The following PCDH11X variants were observed in gnomAD, a reference collection of about 807,000 sequenced individuals.
PCDH11X encodes the protein protocadherin-11 X-linked.
PCDH11X carries 18 observed loss-of-function variants against 53.3 expected under a neutral mutation model. The observed-to-expected ratio is 0.34, with a 90% CI of 0.23 to 0.50. The LOEUF (loss-of-function observed/expected upper bound fraction) is 0.50, where lower values mean the gene tolerates loss of function less well. Among genes scored for constraint, PCDH11X ranks in the 20% least tolerant of loss-of-function variants. PCDH11X has a pLI of 0.98. For synonymous variants in PCDH11X, 279 were observed against 393.3 expected, an observed-to-expected ratio of 0.71 and a Z score of 3.44; for missense variants, 570 against 1,032.4, an observed-to-expected ratio of 0.55 and a Z score of 6.14.
At chrX:91,895,332 A>G in intron 6 of PCDH11X, among the ~76,000 whole-genome samples, 1 of 111,487 alleles carries the variant, frequency 9.0e-6, no homozygotes. Flanking sequence ...AGCTAAAGCT[A>G]TACAAGGTGG....
rs148790117 is a variant in PCDH11X, at chrX:92,067,668, C to T, written c.3034-133707C>T. On this transcript the variant is annotated intron_variant, in intron 6 of 10. Coordinates refer to ENST00000682573, the MANE Select transcript of PCDH11X (RefSeq NM_032968.5). ...TCTTCTTTTGGTATCAGGGTAATAC[C>T]GGCCATGTTGAATGAGTTTGGCAAC... Among the ~76,000 whole-genome samples the T allele has an allele frequency of 2.5e-3, 271 of 107,156 alleles. 1 individual carries two copies. Among genetic ancestry groups the T allele is most frequent in the Middle Eastern group, 9.4e-3 (2 of 213 alleles). 93.1% of individuals were successfully genotyped at this position (107,156 alleles called of 115,157 possible). A position where few individuals can be genotyped will look rare whatever the true frequency, so the allele number is the denominator to read the frequency against.
chrX:92,193,721 G>T (rs1379385685), intron 6 of PCDH11X, among the ~76,000 whole-genome samples: 1 of 110,804 alleles, frequency 9.0e-6, no homozygotes, highest in African/African-American at 3.3e-5. Flanking sequence ...TTAAGTGTGT[G>T]ATAAACCCAT....
chrX:92,501,018 A>G (rs938780453), intron 10 of PCDH11X, among the ~76,000 whole-genome samples: 7 of 111,144 alleles, frequency 6.3e-5, no homozygotes, highest in Non-Finnish European at 1.3e-4. Flanking sequence ...AATCAAATAA[A>G]CACAATCAGA....
chrX:91,930,510 T>C (rs1010204214), intron 6 of PCDH11X, among the ~76,000 whole-genome samples: 24 of 104,708 alleles, frequency 2.3e-4, no homozygotes, highest in Non-Finnish European at 3.7e-4. Context: ...TATATATATA[T>C]ACACGTATAT....
chrX:91,810,192 C>T (rs1936252082), intron 2 of PCDH11X, among the ~76,000 whole-genome samples: 1 of 110,753 alleles, frequency 9.0e-6, no homozygotes, highest in African/African-American at 3.3e-5. Flanking sequence ...CTAAGAAATA[C>T]CTTCCAGTAT....
intron 7 of PCDH11X, among the ~76,000 whole-genome samples, chrX:92,261,968 G>A (rs1358884199): frequency 9.0e-6 from 1 of 111,108 alleles, no homozygotes; most frequent in Non-Finnish European, 1.9e-5. Context: ...AGAATATCTT[G>A]GGCTAACAAC....
chrX:92,176,751 T>C (rs945607746), intron 6 of PCDH11X, among the ~76,000 whole-genome samples: 3 of 110,588 alleles, frequency 2.7e-5, no homozygotes, highest in African/African-American at 9.9e-5. Flanking sequence ...TATGTTGGAG[T>C]GCGAGAAGAG....
chrX:92,012,690 C>T (rs1270134598), intron 6 of PCDH11X, among the ~76,000 whole-genome samples: 3 of 111,109 alleles, frequency 2.7e-5, no homozygotes, highest in African/African-American at 6.5e-5. Flanking sequence ...TGGTACATGT[C>T]CATAATTCTA....
intron 6 of PCDH11X, among the ~76,000 whole-genome samples, chrX:92,178,702 G>A (rs892900587): frequency 9.0e-6 from 1 of 111,544 alleles, no homozygotes; most frequent in Non-Finnish European, 1.9e-5. Context: ...AAGGATAGAA[G>A]GAGAATATTC....
chrX:91,994,936 AT>A (rs1030893961), intron 6 of PCDH11X, among the ~76,000 whole-genome samples: 2 of 111,316 alleles, frequency 1.8e-5, no homozygotes, highest in Non-Finnish European at 3.8e-5. Flanking sequence ...GTTAGCCATC[AT>A]TTTTTTGTCT....
intron 6 of PCDH11X, among the ~76,000 whole-genome samples, chrX:92,089,818 T>C (rs1394224243): frequency 9.1e-6 from 1 of 109,867 alleles, no homozygotes; most frequent in African/African-American, 3.3e-5. Flanking sequence ...CCATCGTGCC[T>C]GGCAGTAAGT....
intron 10 of PCDH11X, among the ~76,000 whole-genome samples, chrX:92,534,253 G>GCACAAGCTTGTGC (rs1346318897): frequency 1.8e-5 from 2 of 111,359 alleles, no homozygotes; most frequent in African/African-American, 6.5e-5. Flanking sequence ...ACTACGTGAT[G>GCACAAGCTTGTGC]CATGCACAAG....
At chrX:91,947,207 G>A (rs1235317381) in intron 6 of PCDH11X, among the ~76,000 whole-genome samples, 2 of 109,104 alleles carry the variant, frequency 1.8e-5, no homozygotes, top group African/African-American at 6.6e-5. Context: ...TGTTGGGGGG[G>A]TGCAGCAGTC....
At chrX:92,194,814 C>T (rs2066266398) in intron 6 of PCDH11X, among the ~76,000 whole-genome samples, 1 of 110,809 alleles carries the variant, frequency 9.0e-6, no homozygotes, top group African/African-American at 3.3e-5. Context: ...TGCACAGAAA[C>T]ATTAAGAGAT....
chrX:91,965,644 G>A lies in PCDH11X; in HGVS notation c.3033+86371G>A, dbSNP rs373754667. Among the ~76,000 whole-genome samples the A allele has an allele frequency of 3.8e-4, 42 of 109,500 alleles. No homozygotes were observed. The South Asian group carries it at 4.8e-3, about 13-fold the overall frequency. ...TGATTTCTTTGTCCCAGCTTAAGAT[G>A]AATTGACTCTCCATTGATGTTTCTT... On this transcript the variant is annotated intron_variant, in intron 6 of 10. Coordinates refer to ENST00000682573, the MANE Select transcript of PCDH11X (RefSeq NM_032968.5).
At chrX:92,005,264 CTTTCTTT>C (rs1294285706) in intron 6 of PCDH11X, among the ~76,000 whole-genome samples, 1 of 111,214 alleles carries the variant, frequency 9.0e-6, no homozygotes, top group East Asian at 2.8e-4. Context: ...ATGATCTTCT[CTTTCTTT>C]TTTCTTTCCT....
intron 6 of PCDH11X, among the ~76,000 whole-genome samples, chrX:92,120,191 C>T (rs1472623792): frequency 1.2e-5 from 1 of 84,825 alleles, no homozygotes. Flanking sequence ...GACAGAGTCT[C>T]TCTCTGTCAC....
chrX:92,015,102 T>G (rs1235802659), intron 6 of PCDH11X, among the ~76,000 whole-genome samples: 1 of 112,425 alleles, frequency 8.9e-6, no homozygotes, highest in African/African-American at 3.2e-5. Flanking sequence ...GTGCGTATCT[T>G]AATTTCAAAA....
rs766366356 is a variant in PCDH11X at position 92,326,196 on chromosome X, G to A, written c.3145-61539G>A. On this transcript the variant is annotated intron_variant, in intron 8 of 10. Transcript: ENST00000682573. The stretch of plus-strand genomic sequence containing the variant: ...GAAATGGTTGGAAACTGGCAAGGAA[G>A]CATTCTGTTCATGTAGATTTCTGGC... Among the ~76,000 whole-genome samples, 294 of 109,491 alleles carry A rather than the reference G, an allele frequency of 2.7e-3. 1 individual carries two copies. Among genetic ancestry groups the A allele is most frequent in the African/African-American group, 9.2e-3 (275 of 30,039 alleles).
Sources: gnomAD v4.1 joint callset for allele counts (sites outside exome capture counted in the v4.1 genomes callset) on GRCh38, gnomAD v4.1.1 for gene constraint, MANE v1.5 for transcripts, NCBI Gene and HGNC (gene_info 2026-07-23, HGNC 2026-07-21) for gene names.